Variants in SH3PXD2A observed in about 807,000 individuals in gnomAD.
SH3PXD2A encodes SH3 and PX domain-containing protein 2A.
A neutral mutation model predicts 115.2 loss-of-function variants in SH3PXD2A; 32 were observed. That is an observed-to-expected ratio of 0.28 (90% CI 0.21 to 0.37). The LOEUF is 0.37. SH3PXD2A is among the 10% of genes least tolerant of loss of function. The probability of loss-of-function intolerance (pLI) is 1.00; values close to 1 mark genes in which losing one functional copy is unlikely to be tolerated. For missense variants in SH3PXD2A, 1,328 were observed against 1,498.7 expected (o/e 0.89, Z 1.88); for synonymous variants, 610 against 629.1 (o/e 0.97, Z 0.45).
At chr10:103,769,134 C>CTGTGTGTGTG (rs67426639) in intron 2 of SH3PXD2A, among the ~76,000 whole-genome samples, 8 of 142,010 alleles carry the variant, frequency 5.6e-5, no homozygotes, top group Non-Finnish European at 1.2e-4. Context: ...AGGCTAGACT[C>CTGTGTGTGTG]TGTGTGTGTG....
At chr10:103,794,607 G>A (rs1040598682) in intron 2 of SH3PXD2A, among the ~76,000 whole-genome samples, 2 of 152,156 alleles carry the variant, frequency 1.3e-5, no homozygotes, top group African/African-American at 4.8e-5. Flanking sequence ...GGCATCTGCC[G>A]CCCCTCCTCC....
intron 4 of SH3PXD2A, among the ~76,000 whole-genome samples, chr10:103,729,369 T>C (rs765622253): frequency 2.6e-5 from 4 of 152,250 alleles, no homozygotes; most frequent in Non-Finnish European, 5.9e-5. Context: ...CAAGACATTC[T>C]GAAGTTTCTT....
rs1176339933 is a variant in SH3PXD2A, at chr10:103,756,494, G to C, written c.229+10600C>G. On this transcript the variant is annotated intron_variant, in intron 3 of 14. Coordinates refer to ENST00000369774, the MANE Select transcript of SH3PXD2A (RefSeq NM_001394015.1). This position sits in a 1 kb window ranked among gnomAD's most constrained non-coding sequence, Gnocchi z 4.4. Reference sequence around the variant, plus strand: ...ACTCCCGAGCCCTCAGTGAAACCTGGACCCAGAAACCAGAGTGCCCAGTGC... The same window carrying C: ...ACTCCCGAGCCCTCAGTGAAACCTGCACCCAGAAACCAGAGTGCCCAGTGC... 5.9e-5 allele frequency among the ~76,000 whole-genome samples: 9 copies of C among 152,094 alleles called. No individual in the cohort carries two copies. The highest frequency in any genetic ancestry group is 1.0e-4 in the Non-Finnish European group (7 of 68,014).
chr10:103,808,082 G>A (rs2039225409), intron 1 of SH3PXD2A, among the ~76,000 whole-genome samples: 1 of 151,986 alleles, frequency 6.6e-6, no homozygotes, highest in South Asian at 2.1e-4. Flanking sequence ...ATTAGTACAG[G>A]CTGGTCCCCT....
intron 2 of SH3PXD2A, among the ~76,000 whole-genome samples, chr10:103,769,511 C>T (rs1434852145): frequency 4.1e-5 from 6 of 147,736 alleles, no homozygotes; most frequent in South Asian, 4.3e-4. Context: ...TGCAGTGGCA[C>T]GATCTCAGCT....
chr10:103,772,575 T>G (rs2134231840), intron 2 of SH3PXD2A, among the ~76,000 whole-genome samples: 1 of 152,310 alleles, frequency 6.6e-6, no homozygotes, highest in South Asian at 2.1e-4. Flanking sequence ...TCGCAGTGTG[T>G]GGAGGCGGCC....
chr10:103,608,802 C>G (rs1235574322), intron 13 of SH3PXD2A: 1 of 152,156 alleles, frequency 6.6e-6, no homozygotes, highest in East Asian at 1.9e-4. Flanking sequence ...AATTTCTAAT[C>G]TTACATCTCT....
rs565336649 is a variant in SH3PXD2A at position 103,636,749 on chromosome 10, G to C, written c.605-9547C>G. Among the ~76,000 whole-genome samples the C allele has an allele frequency of 4.6e-5, 7 of 152,232 alleles. No homozygotes were observed. In the South Asian group the frequency reaches 1.5e-3, roughly 32 times the overall value. ...CTCAGCCTAGGACAAAACAGCTGGT[G>C]GGGGGAGGGGAGACCCCCCACTCCT... is the stretch of plus-strand genomic sequence containing the variant. On this transcript the variant is annotated intron_variant, in intron 8 of 14. Coordinates refer to ENST00000369774, the MANE Select transcript of SH3PXD2A (RefSeq NM_001394015.1).
chr10:103,657,328 G>A (rs2037226554), intron 8 of SH3PXD2A, among the ~76,000 whole-genome samples: 1 of 152,166 alleles, frequency 6.6e-6, no homozygotes, highest in Non-Finnish European at 1.5e-5. Context: ...ACACAAATCA[G>A]AGTGACCAGG....
intron 11 of SH3PXD2A, among the ~76,000 whole-genome samples, chr10:103,615,357 CG>C (rs1196233695): frequency 6.6e-5 from 10 of 152,198 alleles, no homozygotes; most frequent in African/African-American, 2.4e-4. Context: ...GGAGGAGAAA[CG>C]CAAGGGAATC....
chr10:103,604,279 C>T (rs567437697), intron 14 of SH3PXD2A, among the ~76,000 whole-genome samples: 20 of 152,310 alleles, frequency 1.3e-4, no homozygotes, highest in African/African-American at 1.9e-4. Context: ...GGTACAGGCC[C>T]GAGGCCAGAG....
intron 5 of SH3PXD2A, among the ~76,000 whole-genome samples, chr10:103,721,652 C>T (rs372496160): frequency 5.9e-5 from 9 of 152,274 alleles, no homozygotes; most frequent in East Asian, 1.9e-4. Flanking sequence ...CAGCCACCCA[C>T]GTAGGGAGGA....
intron 2 of SH3PXD2A, among the ~76,000 whole-genome samples, chr10:103,795,720 T>G (rs187747368): frequency 7.9e-4 from 120 of 152,266 alleles, no homozygotes; most frequent in Non-Finnish European, 6.9e-4. Context: ...GTTTTTTAAC[T>G]AAAATCTGTC....
chr10:103,671,169 A>G (rs367790668), intron 6 of SH3PXD2A, among the ~76,000 whole-genome samples: 2 of 152,228 alleles, frequency 1.3e-5, no homozygotes, highest in Admixed American at 1.3e-4. Context: ...GAACCCAAGA[A>G]GACCTGCTTT....
intron 5 of SH3PXD2A, among the ~76,000 whole-genome samples, chr10:103,701,243 C>T (rs1400598424): frequency 6.8e-6 from 1 of 147,934 alleles, no homozygotes; most frequent in African/African-American, 2.5e-5. Flanking sequence ...CATCCATCAT[C>T]CATCCATCAT....
intron 1 of SH3PXD2A, among the ~76,000 whole-genome samples, chr10:103,828,845 C>T (rs1009395593): frequency 6.6e-6 from 1 of 152,222 alleles, no homozygotes; most frequent in African/African-American, 2.4e-5. Context: ...TGGACGATTG[C>T]TTGGGTGAGC....
rs12253776 is a variant in SH3PXD2A, at chr10:103,850,723, C to T, written c.72+4472G>A. 7.9e-3 allele frequency among the ~76,000 whole-genome samples: 1,205 copies of T among 152,272 alleles called. 20 individuals carry two copies. Among genetic ancestry groups the T allele is most frequent in the African/African-American group, 0.028 (1,161 of 41,542 alleles). Reference sequence around the variant, plus strand: ...TGGAGGCTGGGTGTTTTCCATGGGGCGTGTAACCCACTTCCCCATCAGACT... The same window carrying T: ...TGGAGGCTGGGTGTTTTCCATGGGGTGTGTAACCCACTTCCCCATCAGACT... On this transcript the variant is annotated intron_variant, in intron 1 of 14. Transcript: ENST00000369774.
chr10:103,750,060 G>A (rs768719489), intron 3 of SH3PXD2A: 3 of 152,146 alleles, frequency 2.0e-5, no homozygotes, highest in Non-Finnish European at 4.4e-5. Flanking sequence ...CATTTTTATT[G>A]TTGTTGTTTG....
intron 5 of SH3PXD2A, among the ~76,000 whole-genome samples, chr10:103,702,322 G>A (rs752839078): frequency 3.3e-5 from 5 of 152,210 alleles, no homozygotes; most frequent in Non-Finnish European, 7.3e-5. Flanking sequence ...GAAAGAGATG[G>A]CAAACACCCA....
Sources: gnomAD v4.1 joint callset for allele counts (sites outside exome capture counted in the v4.1 genomes callset) on GRCh38, gnomAD v4.1.1 for gene constraint, Gnocchi (gnomAD v3.1) non-coding constraint, MANE v1.5 for transcripts, NCBI Gene and HGNC (gene_info 2026-07-23, HGNC 2026-07-21) for gene names.